DCAF10: variants seen among roughly 807,000 people sequenced by gnomAD.
DCAF10 encodes DDB1 and CUL4 associated factor 10, also known as DDB1- and CUL4-associated factor 10.
Under a neutral mutation model 51.9 loss-of-function variants are expected in DCAF10, and 19 were observed. The observed-to-expected ratio is 0.37, with a 90% CI of 0.26 to 0.54. DCAF10 has a LOEUF of 0.54. DCAF10 is among the 20% of genes least tolerant of loss of function. The probability of loss-of-function intolerance (pLI) is 0.87; values close to 1 mark genes in which losing one functional copy is unlikely to be tolerated. For missense variants in DCAF10, 510 were observed against 730.6 expected (o/e 0.70, Z 3.48); for synonymous variants, 291 against 297.1 (o/e 0.98, Z 0.21).
intron 2 of DCAF10, among the ~76,000 whole-genome samples, chr9:37,823,023 G>T (rs960111550): frequency 6.6e-6 from 1 of 151,896 alleles, no homozygotes. Flanking sequence ...TCAATAGATG[G>T]GATAAACTTT....
intron 2 of DCAF10, among the ~76,000 whole-genome samples, chr9:37,834,820 C>G (rs1217316425): frequency 7.1e-6 from 1 of 141,620 alleles, no homozygotes; most frequent in Non-Finnish European, 1.5e-5. Flanking sequence ...CAGGGTTTCA[C>G]TCATGTCGCC....
rs1564027328 is a variant in DCAF10, at chr9:37,814,103, TATATATATATATATATATATATA to T, written c.540-5184_540-5162del. Among the ~76,000 whole-genome samples the T allele has an allele frequency of 3.6e-4, 37 of 101,666 alleles. No individual in the cohort carries two copies. The South Asian group carries it at 0.01, about 28-fold the overall frequency. The allele number at this position is 101,666 out of a possible 152,430, so 66.7% of individuals were successfully genotyped here. A position where few individuals can be genotyped will look rare whatever the true frequency, so the allele number is the denominator to read the frequency against. ...CACTATATATATATATATATATATA[TATATATATATATATATATATATA>T]TTTGTTGTTGTTGTTGTTGTTGTTG... is the stretch of plus-strand genomic sequence containing the variant. On this transcript the variant is annotated intron_variant, in intron 1 of 6. Coordinates refer to ENST00000377724, the MANE Select transcript of DCAF10 (RefSeq NM_024345.5).
At chr9:37,832,117 G>A (rs1830025365) in intron 2 of DCAF10, 1 of 152,132 alleles carries the variant, frequency 6.6e-6, no homozygotes, top group Non-Finnish European at 1.5e-5. Flanking sequence ...TCAGGAGGCT[G>A]AGGCAGGAGA....
At chr9:37,835,211 G>A (rs910005553) in intron 2 of DCAF10, among the ~76,000 whole-genome samples, 3 of 152,152 alleles carry the variant, frequency 2.0e-5, no homozygotes, top group Non-Finnish European at 4.4e-5. Flanking sequence ...GAAGTGGGCA[G>A]ATCAGTTGAG....
chr9:37,816,659 G>GGGTGTGTGTGTGTGTGTGTGT (rs372664140), intron 1 of DCAF10, among the ~76,000 whole-genome samples: 1 of 144,890 alleles, frequency 6.9e-6, no homozygotes, highest in Non-Finnish European at 1.5e-5. Context: ...CTGCACCTGG[G>GGGTGTGTGTGTGTGTGTGTGT]GTGTGTGTGT....
chr9:37,851,916 A>G (rs1301348253), intron 3 of DCAF10, among the ~76,000 whole-genome samples: 1 of 152,118 alleles, frequency 6.6e-6, no homozygotes, highest in East Asian at 1.9e-4. Context: ...AGAAAAGGAG[A>G]GTCAAACATG....
At chr9:37,853,152 C>CAAA (rs557423413) in intron 3 of DCAF10, among the ~76,000 whole-genome samples, 1,800 of 80,800 alleles carry the variant, frequency 0.022, 80 homozygotes, top group African/African-American at 0.074. Context: ...AACTCCGTCT[C>CAAA]AAAAAAAAAA....
At chr9:37,816,659 G>GGGGGGGGGTGTGTGTGTGTGTGTGTGT (rs372664140) in intron 1 of DCAF10, among the ~76,000 whole-genome samples, 2 of 144,978 alleles carry the variant, frequency 1.4e-5, no homozygotes, top group Admixed American at 1.4e-4. Context: ...CTGCACCTGG[G>GGGGGGGGGTGTGTGTGTGTGTGTGTGT]GTGTGTGTGT....
Position 37,857,254 on chromosome 9 carries a change from A to G in DCAF10, c.1068A>G (p.Ser356=), listed in dbSNP as rs372241497. ...RTTSSSDLTT[S]SSSSGPRVSG... ...TATATTTTTAAGATTTGACCACTTC[A>G]TCAAGTTCATCTGGTCCTAGAGTTT... Residue 356 remains serine (S), a synonymous_variant, in exon 5 of 7, where the codon TCA becomes TCG. Transcript: ENST00000377724. The G allele has an allele frequency of 1.3e-6, 2 of 1,599,036 alleles. No homozygotes were observed. The highest frequency in any genetic ancestry group is 1.7e-6 in the Non-Finnish European group (2 of 1,175,442).
chr9:37,822,441 A>G (rs977574081), intron 2 of DCAF10, among the ~76,000 whole-genome samples: 2 of 134,262 alleles, frequency 1.5e-5, no homozygotes, highest in African/African-American at 2.7e-5. Flanking sequence ...ATATATATAT[A>G]TGATGGAATA....
chr9:37,816,663 T>G (rs117864844), intron 1 of DCAF10, among the ~76,000 whole-genome samples: 335 of 134,196 alleles, frequency 2.5e-3, no homozygotes, highest in Middle Eastern at 7.5e-3. Context: ...ACCTGGGGTG[T>G]GTGTGTGTGT....
chr9:37,847,635 C>T (rs1487214228), intron 3 of DCAF10, among the ~76,000 whole-genome samples: 1 of 151,962 alleles, frequency 6.6e-6, no homozygotes, highest in African/African-American at 2.4e-5. Context: ...TGAAATTATA[C>T]TGGAGGTGCA....
chr9:37,860,972 A>AG (rs59840477), intron 6 of DCAF10, among the ~76,000 whole-genome samples, 168 bp from the exon 7 acceptor site: 2,754 of 152,252 alleles, frequency 0.018, 75 homozygotes, highest in African/African-American at 0.063. Flanking sequence ...ATAAGAAAGT[A>AG]GGGGGCCTAC....
chr9:37,851,032 T>C (rs1564049089), intron 3 of DCAF10, among the ~76,000 whole-genome samples: 1 of 151,300 alleles, frequency 6.6e-6, no homozygotes, highest in Non-Finnish European at 1.5e-5. Flanking sequence ...TCATTTGAGA[T>C]CAGGAGTTCG....
chr9:37,859,497 A>G (rs912289875), intron 5 of DCAF10, among the ~76,000 whole-genome samples: 5 of 152,196 alleles, frequency 3.3e-5, no homozygotes, highest in African/African-American at 7.2e-5. Flanking sequence ...TTGTTTTGAC[A>G]TGCCTTTATG....
At chr9:37,826,887 G>C (rs947154559) in intron 2 of DCAF10, among the ~76,000 whole-genome samples, 1 of 146,004 alleles carries the variant, frequency 6.8e-6, no homozygotes, top group African/African-American at 2.6e-5. Flanking sequence ...GAGCAATGGC[G>C]CGATCTCGGC....
intron 2 of DCAF10, among the ~76,000 whole-genome samples, chr9:37,826,810 A>G (rs1829863684): frequency 6.7e-6 from 1 of 149,980 alleles, no homozygotes; most frequent in South Asian, 2.1e-4. Context: ...ACACCCAAAT[A>G]CCACAATACC....
In DCAF10 at chr9:37,801,054, C is replaced by A; in HGVS notation, c.188C>A (p.Ser63Tyr). 1.3e-6 allele frequency: 2 copies of A among 1,534,666 alleles called. No homozygotes were observed. The highest frequency in any genetic ancestry group is 1.7e-6 in the Non-Finnish European group (2 of 1,149,334). ...SPRRPGAPSL[S>Y]PAPRSGELGL... ...CGCCGCCCCGGCGCCCCATCGCTGT[C>A]CCCGGCCCCGCGCTCCGGAGAGCTA... The change falls in exon 1 of 7, where the codon TCC becomes TAC. Residue 63 changes from serine (S) to tyrosine (Y), a missense_variant. Ser to Tyr is a moderately radical substitution (Grantham distance 144). This residue lies in a region of DCAF10 where 251 missense variants were observed against 227.9 expected (regional missense o/e 1.10). Coordinates refer to ENST00000377724, the MANE Select transcript of DCAF10 (RefSeq NM_024345.5). The surrounding 1 kb of genome is among the most constrained non-coding windows in gnomAD (Gnocchi z 5.5).
chr9:37,839,021 C>CTAAA lies in DCAF10; in HGVS notation c.654-3068_654-3067insTAAA, dbSNP rs1391227027. Among the ~76,000 whole-genome samples the CTAAA allele has an allele frequency of 1.7e-3, 259 of 151,962 alleles. 1 individual carries two copies. Among genetic ancestry groups the CTAAA allele is most frequent in the African/African-American group, 5.5e-3 (230 of 41,470 alleles). ...TTAAAACAGAAATTAAGCTAAACAT[C>CTAAA]AATAAAGTGGTTATTTTTGGTGATG... On this transcript the variant is annotated intron_variant, in intron 2 of 6. Coordinates refer to ENST00000377724, the MANE Select transcript of DCAF10 (RefSeq NM_024345.5).
Sources: gnomAD v4.1 joint callset for allele counts (sites outside exome capture counted in the v4.1 genomes callset) on GRCh38, gnomAD v4.1.1 for gene constraint, gnomAD v4.1.1 regional missense constraint, Gnocchi (gnomAD v3.1) non-coding constraint, MANE v1.5 for transcripts, NCBI Gene and HGNC (gene_info 2026-07-23, HGNC 2026-07-21) for gene names.